P2RX5: variants seen among roughly 807,000 people sequenced by gnomAD.
P2RX5 encodes purinergic receptor P2X 5.
Under a neutral mutation model 54.1 loss-of-function variants are expected in P2RX5, and 46 were observed. The observed-to-expected ratio is 0.85, with a 90% confidence interval of 0.67 to 1.09. The LOEUF is 1.09. Among genes scored for constraint, P2RX5 ranks in the 50% least tolerant of loss-of-function variants. The pLI, the probability that P2RX5 is intolerant of heterozygous loss-of-function variation, is 0.00. For synonymous variants in P2RX5, 226 were observed against 226.4 expected (o/e 1.00, Z 0.02); for missense variants, 566 against 549.8 (o/e 1.03, Z -0.29).
At chr17:3,701,618 G>A in the P2RX5 span, among the ~76,000 whole-genome samples, 17 of 146,418 alleles carry the variant, frequency 1.2e-4, no homozygotes, top group Admixed American at 9.1e-4. Context: ...CTTGAACCCA[G>A]GAAGCAGAGG....
the P2RX5 span, among the ~76,000 whole-genome samples, chr17:3,711,367 A>ATTTTTTTTTTTTTT: frequency 3.4e-5 from 3 of 88,150 alleles, no homozygotes; most frequent in Non-Finnish European, 6.2e-5. Context: ...CCCAGCACTC[A>ATTTTTTTTTTTTTT]TTCTTTTTTT....
rs2050582629 is a variant in P2RX5, at chr17:3,690,527, C to A, written c.437-4G>T. On this transcript the variant is annotated splice_polypyrimidine_tract_variant and splice_region_variant and intron_variant, in intron 4 of 11. Transcript: ENST00000225328. Reference sequence around the variant, plus strand: ...AGGCAGCGGCCGGTCTTCACTCCTGCAGGGGTGGGACAGGATCAATGCCAG... The same window carrying A: ...AGGCAGCGGCCGGTCTTCACTCCTGAAGGGGTGGGACAGGATCAATGCCAG... 9 of 1,613,420 alleles carry A rather than the reference C, an allele frequency of 5.6e-6. No individual in the cohort carries two copies. Among genetic ancestry groups the A allele is most frequent in the Middle Eastern group, 1.7e-4 (1 of 6,060 alleles).
chr17:3,707,682 A>G, the P2RX5 span, among the ~76,000 whole-genome samples: 1 of 152,096 alleles, frequency 6.6e-6, no homozygotes, highest in Admixed American at 6.6e-5. Flanking sequence ...AAGATGAGGC[A>G]TCCACAGAGA....
chr17:3,685,492 G>A (rs903272206), intron 9 of P2RX5: 20 of 154,028 alleles, frequency 1.3e-4, no homozygotes, highest in Middle Eastern at 3.1e-3. Context: ...GGTGGGACGC[G>A]GGGAGGGAGG....
At chr17:3,716,613 G>T in the P2RX5 span, 2 of 861,304 alleles carry the variant, frequency 2.3e-6, no homozygotes, top group Non-Finnish European at 3.8e-6. Context: ...GTCAGAGGTT[G>T]GCTGTCCTAA....
At chr17:3,695,820 A>ACCCCC in intron 1 of P2RX5, 49 bp downstream of exon 1, 3 of 1,479,306 alleles carry the variant, frequency 2.0e-6, no homozygotes, top group Non-Finnish European at 2.8e-6. Context: ...GGCGGCTGGC[A>ACCCCC]CCCGCCCTGC....
chr17:3,699,089 ACACACC>A (rs879528746), upstream of P2RX5, among the ~76,000 whole-genome samples: 4,601 of 67,524 alleles, frequency 0.068, 107 homozygotes, highest in East Asian at 0.2. Context: ...ACACACACAC[ACACACC>A]TATATATATA....
the P2RX5 span, among the ~76,000 whole-genome samples, chr17:3,701,761 GTT>G: frequency 0.066 from 5,590 of 84,362 alleles, 164 homozygotes; most frequent in South Asian, 0.11. Context: ...TTTTTTTTTT[GTT>G]TTTTTTTTTT....
rs766987164 is a variant in P2RX5, at chr17:3,690,945, C to T, written c.360+11G>A. 10 of 1,610,866 alleles carry T rather than the reference C, an allele frequency of 6.2e-6. 1 individual carries two copies. Among genetic ancestry groups the T allele is most frequent in the South Asian group, 3.3e-5 (3 of 90,678 alleles). Reference sequence around the variant, plus strand: ...CCCACCCCCACGCCAGGGCCCCTCGCCAAATCAAACCTCAGCACAGACGTT... The same window carrying T: ...CCCACCCCCACGCCAGGGCCCCTCGTCAAATCAAACCTCAGCACAGACGTT... On this transcript the variant is annotated intron_variant, in intron 3 of 11. Coordinates refer to ENST00000225328, the MANE Select transcript of P2RX5 (RefSeq NM_002561.4).
At chr17:3,680,758 A>C (rs2050249001) in intron 10 of P2RX5, among the ~76,000 whole-genome samples, 1 of 94,204 alleles carries the variant, frequency 1.1e-5, no homozygotes, top group Non-Finnish European at 2.2e-5. Context: ...AGCGTCCTCC[A>C]CCCTGCATCC....
the P2RX5 span, among the ~76,000 whole-genome samples, chr17:3,712,980 T>C: frequency 6.6e-6 from 1 of 151,924 alleles, no homozygotes; most frequent in South Asian, 2.1e-4. Flanking sequence ...AATGGCCAGA[T>C]AAGATAAACA....
chr17:3,701,708 A>ATAATAAT, the P2RX5 span, among the ~76,000 whole-genome samples: 1 of 144,996 alleles, frequency 6.9e-6, no homozygotes, highest in African/African-American at 2.5e-5. Context: ...AAAAAAAAAA[A>ATAATAAT]AAAAAAAAAA....
In P2RX5 at chr17:3,691,648, G is replaced by T. The variant is rs539386358; in HGVS notation, c.284C>A (p.Ala95Asp). The T allele has an allele frequency of 5.6e-5, 91 of 1,614,064 alleles. No homozygotes were observed. Among genetic ancestry groups the T allele is most frequent in the Middle Eastern group, 4.9e-4 (3 of 6,084 alleles). ...GTGCTAGGTGGGGACTCAGACCTGG[G>T]CTGGAATGACGTAGTCGGCGACATC... Reference protein sequence around the residue: ...IWDVADYVIPAQGENVFFVVT... With the variant: ...IWDVADYVIPDQGENVFFVVT... The change falls in exon 2 of 12, where the codon GCC becomes GAC. Residue 95 changes from alanine to aspartate, a missense_variant. Transcript: ENST00000225328.
At chr17:3,706,255 TG>T in the P2RX5 span, among the ~76,000 whole-genome samples, 4 of 151,688 alleles carry the variant, frequency 2.6e-5, no homozygotes, top group Non-Finnish European at 5.9e-5. Context: ...GCCTGGCCCC[TG>T]GGTAATTTTT....
At chr17:3,715,019 T>TTAGGCAACA in the P2RX5 span, 1 of 796,210 alleles carries the variant, frequency 1.3e-6, no homozygotes, top group Non-Finnish European at 2.1e-6. Context: ...TTCTGGCTGT[T>TTAGGCAACA]GCCTAAATAG....
chr17:3,688,574 T>A, intron 8 of P2RX5, 52 bp downstream of exon 8: 3 of 1,607,232 alleles, frequency 1.9e-6, no homozygotes, highest in Non-Finnish European at 2.6e-6. Context: ...CCCAGATGAG[T>A]GAGTGCCACT....
intron 11 of P2RX5, among the ~76,000 whole-genome samples, chr17:3,679,287 T>C (rs959518316): frequency 6.6e-6 from 1 of 151,860 alleles, no homozygotes; most frequent in African/African-American, 2.4e-5. Context: ...ATACGGAGAG[T>C]ACAGAGGGGT....
chr17:3,710,177 A>G, the P2RX5 span, among the ~76,000 whole-genome samples: 2 of 152,098 alleles, frequency 1.3e-5, no homozygotes, highest in Non-Finnish European at 2.9e-5. Flanking sequence ...CTGGAATCCC[A>G]GCACTTTGGG....
At chr17:3,716,206 CA>C in the P2RX5 span, among the ~76,000 whole-genome samples, 47 of 123,102 alleles carry the variant, frequency 3.8e-4, no homozygotes, top group Non-Finnish European at 7.8e-4. Context: ...CACTTAAGGG[CA>C]GAGACGGGTA....
Sources: allele counts gnomAD v4.1 joint callset (sites outside exome capture counted in the v4.1 genomes callset), GRCh38; gene constraint gnomAD v4.1.1; transcripts MANE v1.5; gene names NCBI Gene and HGNC (gene_info 2026-07-23, HGNC 2026-07-21).